NHEJ1: variants seen among roughly 807,000 people sequenced by gnomAD.
NHEJ1 encodes the protein non-homologous end-joining factor 1.
NHEJ1 carries 22 observed loss-of-function variants against 39.4 expected under a neutral mutation model. That is an observed-to-expected ratio of 0.56 (90% CI 0.40 to 0.80). The LOEUF (loss-of-function observed/expected upper bound fraction) is 0.80. NHEJ1 is among the 30% of genes least tolerant of loss of function. The pLI, the probability that NHEJ1 is intolerant of heterozygous loss-of-function variation, is 0.00. For missense variants in NHEJ1, 329 were observed against 357.1 expected (o/e 0.92, Z 0.63); for synonymous variants, 154 against 135.6 (o/e 1.14, Z -0.94).
In NHEJ1 at chr2:219,080,655, A is replaced by G. The variant is rs529443857; in HGVS notation, c.589-2449T>C. Among the ~76,000 whole-genome samples the G allele has an allele frequency of 1.1e-3, 118 of 110,488 alleles. 8 individuals carry two copies. The highest frequency in any genetic ancestry group is 5.0e-3 in the African/African-American group (114 of 22,768). 72.5% of individuals were successfully genotyped at this position (110,488 alleles called of 152,430 possible). A position where few individuals can be genotyped will look rare whatever the true frequency, so the allele number is the denominator to read the frequency against. On this transcript the variant is annotated intron_variant, in intron 5 of 7. Coordinates refer to ENST00000356853, the MANE Select transcript of NHEJ1 (RefSeq NM_024782.3). ...TATATATAAGCTTATATATATGCTAATATATATAAGCTTTTATATATGCTA... is the reference window on the plus strand; with the variant it reads ...TATATATAAGCTTATATATATGCTAGTATATATAAGCTTTTATATATGCTA...
intron 5 of NHEJ1, among the ~76,000 whole-genome samples, chr2:219,089,020 T>C (rs897515899): frequency 3.3e-5 from 5 of 152,040 alleles, no homozygotes; most frequent in Admixed American, 1.3e-4. Context: ...GGGGTTTCAC[T>C]GTGTTAGCCA....
chr2:219,148,368 C>T (rs960128422), intron 3 of NHEJ1, among the ~76,000 whole-genome samples: 1 of 152,134 alleles, frequency 6.6e-6, no homozygotes, highest in Non-Finnish European at 1.5e-5. Context: ...GCCTGACAAA[C>T]ATAGTGAGAC....
intron 5 of NHEJ1, among the ~76,000 whole-genome samples, chr2:219,098,445 A>C (rs990463706): frequency 1.3e-5 from 2 of 152,242 alleles, no homozygotes; most frequent in African/African-American, 4.8e-5. Flanking sequence ...CTAATGCACA[A>C]ATAGAGAGAC....
chr2:219,101,127 T>G (rs1949254990), intron 5 of NHEJ1, among the ~76,000 whole-genome samples: 1 of 152,210 alleles, frequency 6.6e-6, no homozygotes, highest in Non-Finnish European at 1.5e-5. Flanking sequence ...ATTTACTTAT[T>G]TATTGGGGAT....
chr2:219,130,108 C>T (rs1465302169), intron 5 of NHEJ1, among the ~76,000 whole-genome samples: 2 of 151,334 alleles, frequency 1.3e-5, no homozygotes, highest in African/African-American at 4.9e-5. Flanking sequence ...TAAAAGGCTC[C>T]GTCCCACAAA....
At chr2:219,114,531 C>A (rs1553545235) in intron 5 of NHEJ1, among the ~76,000 whole-genome samples, 2 of 152,144 alleles carry the variant, frequency 1.3e-5, no homozygotes, top group African/African-American at 2.4e-5. Context: ...CATAGGCCTA[C>A]AAGAGGTAAT....
At chr2:219,103,183 A>G (rs1206390425) in intron 5 of NHEJ1, among the ~76,000 whole-genome samples, 1 of 151,598 alleles carries the variant, frequency 6.6e-6, no homozygotes, top group South Asian at 2.1e-4. Flanking sequence ...GAAAAAAAAA[A>G]AAACTGAAAA....
At chr2:219,142,277 C>A (rs767256398) in intron 5 of NHEJ1, among the ~76,000 whole-genome samples, 4 of 152,162 alleles carry the variant, frequency 2.6e-5, no homozygotes, top group African/African-American at 9.7e-5. Context: ...TGCTAAGGGA[C>A]CCCTACCAAA....
intron 5 of NHEJ1, among the ~76,000 whole-genome samples, chr2:219,121,489 G>A (rs1437149959): frequency 1.3e-5 from 2 of 151,860 alleles, no homozygotes; most frequent in Non-Finnish European, 2.9e-5. Context: ...TTTTATTATT[G>A]TTCTGATTTT....
intron 3 of NHEJ1, among the ~76,000 whole-genome samples, chr2:219,152,568 C>T (rs58737898): frequency 0.017 from 2,538 of 152,254 alleles, 74 homozygotes; most frequent in African/African-American, 0.058. Context: ...AAGTGATTCT[C>T]CCACTTCAGC....
intron 5 of NHEJ1, among the ~76,000 whole-genome samples, chr2:219,136,958 T>A (rs1949636349): frequency 6.6e-6 from 1 of 151,910 alleles, no homozygotes; most frequent in Admixed American, 6.6e-5. Context: ...ATTTTAACAA[T>A]TTTTTTAAAA....
rs1949268540 is a variant in NHEJ1, at chr2:219,102,226, AC to A, written c.589-24021del. Among the ~76,000 whole-genome samples the A allele has an allele frequency of 2.6e-5, 4 of 152,312 alleles. No homozygotes were observed. The South Asian group carries it at 8.3e-4, about 32-fold the overall frequency. On this transcript the variant is annotated intron_variant, in intron 5 of 7. Coordinates refer to ENST00000356853, the MANE Select transcript of NHEJ1 (RefSeq NM_024782.3). Reference sequence around the variant, plus strand: ...GGATATATTTGACACTGCCAAAAAAACGCCCTCGAAAAATGTACTAATATAC... The same window carrying A: ...GGATATATTTGACACTGCCAAAAAAAGCCCTCGAAAAATGTACTAATATAC...
At chr2:219,123,353 G>A (rs1949488503) in intron 5 of NHEJ1, among the ~76,000 whole-genome samples, 1 of 152,156 alleles carries the variant, frequency 6.6e-6, no homozygotes, top group Non-Finnish European at 1.5e-5. Flanking sequence ...AGACTTAAGC[G>A]GAAAGCTATT....
At chr2:219,138,478 G>A (rs1270116809) in intron 5 of NHEJ1, among the ~76,000 whole-genome samples, 1 of 152,180 alleles carries the variant, frequency 6.6e-6, no homozygotes, top group African/African-American at 2.4e-5. Flanking sequence ...CTATTCATAA[G>A]AGGAGGAAAA....
chr2:219,111,662 CAG>C lies in NHEJ1; in HGVS notation c.589-33458_589-33457del, dbSNP rs112679676. 0.014 allele frequency among the ~76,000 whole-genome samples: 2,117 copies of C among 149,004 alleles called. 57 individuals are homozygous for C. The highest frequency in any genetic ancestry group is 0.049 in the African/African-American group (1,959 of 40,318). ...ACACACACACACACACACACACACA[CAG>C]AGAGATACATACAGTCAGTGGGAAA... is the stretch of plus-strand genomic sequence containing the variant. On this transcript the variant is annotated intron_variant, in intron 5 of 7. Transcript: ENST00000356853. The surrounding 1 kb of genome is among the most constrained non-coding windows in gnomAD (Gnocchi z 4.1).
intron 5 of NHEJ1, among the ~76,000 whole-genome samples, chr2:219,082,410 G>A (rs993891543): frequency 6.6e-6 from 1 of 152,130 alleles, no homozygotes; most frequent in African/African-American, 2.4e-5. Context: ...ACTCCCAGTG[G>A]TCCAGAAAGC....
In NHEJ1 at chr2:219,157,654, CAGG is replaced by C. The variant is rs1394615108; in HGVS notation, c.205_207del (p.Pro69del). 8.7e-6 allele frequency: 14 copies of C among 1,614,044 alleles called. No homozygotes were observed. The highest frequency in any genetic ancestry group is 1.1e-5 in the Non-Finnish European group (13 of 1,179,986). On this transcript the variant is annotated inframe_deletion, in exon 3 of 8. Coordinates refer to ENST00000356853, the MANE Select transcript of NHEJ1 (RefSeq NM_024782.3). ...TTATCCAAATGACAGAGGAAAGCTG[CAGG>C]AGGAGCAGTGAGCCGCTTGTTCAGC...
intron 5 of NHEJ1, among the ~76,000 whole-genome samples, chr2:219,136,571 G>T (rs1350687557): frequency 6.6e-6 from 1 of 151,960 alleles, no homozygotes; most frequent in Non-Finnish European, 1.5e-5. Context: ...TTATAGGCGT[G>T]AGCCACCACA....
intron 5 of NHEJ1, among the ~76,000 whole-genome samples, chr2:219,078,439 A>C (rs767644621): frequency 3.3e-5 from 5 of 152,188 alleles, no homozygotes; most frequent in Non-Finnish European, 7.4e-5. Context: ...CCTTAGGTCT[A>C]TTATGTTTTC....
Sources: allele counts gnomAD v4.1 joint callset (sites outside exome capture counted in the v4.1 genomes callset), GRCh38; gene constraint gnomAD v4.1.1; non-coding constraint Gnocchi (gnomAD v3.1); transcripts MANE v1.5; gene names NCBI Gene and HGNC (gene_info 2026-07-23, HGNC 2026-07-21).